The following RAB10 variants were observed in gnomAD, a reference collection of about 807,000 sequenced individuals.
RAB10 encodes RAB10, member RAS oncogene family, also known as ras-related protein Rab-10.
In RAB10, 5 loss-of-function variants were observed where a neutral mutation model predicts 25.7. The ratio of observed to expected loss-of-function variants is 0.19; its 90% CI spans 0.10 to 0.41. RAB10 has a LOEUF of 0.41. RAB10 is among the 10% of genes least tolerant of loss of function. RAB10 has a pLI of 1.00. For missense variants in RAB10, 103 were observed against 245.8 expected (o/e 0.42, Z 3.89); for synonymous variants, 89 against 86.4 (o/e 1.03, Z -0.16).
chr2:26,063,144 G>T (rs1666444433), intron 1 of RAB10, among the ~76,000 whole-genome samples: 1 of 151,420 alleles, frequency 6.6e-6, no homozygotes, highest in Non-Finnish European at 1.5e-5. Context: ...CAGGAATCTA[G>T]TTATTTTTAA....
At chr2:26,033,349 G>A (rs1469279844), upstream of RAB10, among the ~76,000 whole-genome samples, 1 of 152,218 alleles carries the variant, frequency 6.6e-6, no homozygotes, top group Non-Finnish European at 1.5e-5. Flanking sequence ...CCACTTCGCA[G>A]GGAGGTTCTT....
intron 1 of RAB10, among the ~76,000 whole-genome samples, chr2:26,036,418 T>G (rs1259515849): frequency 6.6e-6 from 1 of 152,138 alleles, no homozygotes; most frequent in Non-Finnish European, 1.5e-5. Flanking sequence ...CCCAGCACTT[T>G]GGGAGGCCTT....
At chr2:26,086,226 C>A (rs550140979) in intron 1 of RAB10, among the ~76,000 whole-genome samples, 2 of 152,086 alleles carry the variant, frequency 1.3e-5, no homozygotes, top group African/African-American at 4.8e-5. Context: ...GCTGAGGCTG[C>A]GGTGAGCTGA....
At chr2:26,131,407 ATAC>A (rs1381612636) in intron 5 of RAB10, among the ~76,000 whole-genome samples, 1 of 152,220 alleles carries the variant, frequency 6.6e-6, no homozygotes, top group Non-Finnish European at 1.5e-5. Context: ...GCAGGCCCAA[ATAC>A]TAGGTAGCAA....
At chr2:26,123,303 A>G (rs895605877) in intron 3 of RAB10, among the ~76,000 whole-genome samples, 2 of 152,210 alleles carry the variant, frequency 1.3e-5, no homozygotes, top group African/African-American at 4.8e-5. Flanking sequence ...CCCCGAACAC[A>G]GTCTCTAATT....
intron 3 of RAB10, among the ~76,000 whole-genome samples, chr2:26,119,966 T>C (rs1190795687): frequency 6.6e-6 from 1 of 152,238 alleles, no homozygotes; most frequent in Non-Finnish European, 1.5e-5. Context: ...AAATTGGTGG[T>C]CTGATTGCTA....
chr2:26,098,643 C>A lies in RAB10; in HGVS notation c.128-19C>A. The A allele has an allele frequency of 6.5e-7, 1 of 1,547,292 alleles. No homozygotes were observed. The highest frequency in any genetic ancestry group is 8.9e-7 in the Non-Finnish European group (1 of 1,125,944). On this transcript the variant is annotated intron_variant, in intron 1 of 5. Transcript: ENST00000264710. Reference sequence around the variant, plus strand: ...ATGTAAAGCCACAGTTACAGTTTACCTTTTTTTCTGCATTGTAGGAATAGA... The same window carrying A: ...ATGTAAAGCCACAGTTACAGTTTACATTTTTTTCTGCATTGTAGGAATAGA...
At chr2:26,077,906 G>A (rs1658351856) in intron 1 of RAB10, among the ~76,000 whole-genome samples, 1 of 152,126 alleles carries the variant, frequency 6.6e-6, no homozygotes, top group South Asian at 2.1e-4. Context: ...TTGGTCCCGG[G>A]AGGCGGGGTT....
chr2:26,098,114 T>TTTTTTTTTTTTTTTTTTTTTTTTTTTTC (rs1667265228), intron 1 of RAB10, among the ~76,000 whole-genome samples: 1 of 12,804 alleles, frequency 7.8e-5, no homozygotes, highest in Non-Finnish European at 1.7e-4. Flanking sequence ...TCTTTCTTTT[T>TTTTTTTTTTTTTTTTTTTTTTTTTTTTC]TTTTTTTTTT....
intron 3 of RAB10, among the ~76,000 whole-genome samples, chr2:26,124,405 T>TTTTTTC (rs1667866260): frequency 9.1e-6 from 1 of 110,134 alleles, no homozygotes; most frequent in African/African-American, 3.4e-5. Context: ...TTTTTTTTTT[T>TTTTTTC]TTTTTTTTTT....
At position 26,098,651 on chromosome 2, in the gene RAB10, C is replaced by A; in HGVS notation, c.128-11C>A. 1.3e-6 allele frequency: 2 copies of A among 1,562,684 alleles called. No homozygotes were observed. The highest frequency in any genetic ancestry group is 1.8e-6 in the Non-Finnish European group (2 of 1,139,100). Reference sequence around the variant, plus strand: ...CCACAGTTACAGTTTACCTTTTTTTCTGCATTGTAGGAATAGACTTCAAGA... The same window carrying A: ...CCACAGTTACAGTTTACCTTTTTTTATGCATTGTAGGAATAGACTTCAAGA... On this transcript the variant is annotated splice_polypyrimidine_tract_variant and intron_variant, in intron 1 of 5. Transcript: ENST00000264710.
intron 1 of RAB10, among the ~76,000 whole-genome samples, chr2:26,050,009 A>G (rs757452010): frequency 3.9e-5 from 6 of 152,120 alleles, no homozygotes; most frequent in Admixed American, 2.6e-4. Context: ...TCAATAATGG[A>G]CTGGTTATTA....
chr2:26,060,273 CTTTTTTGT>C lies in RAB10; in HGVS notation c.127+25549_127+25556del, dbSNP rs568091495. 6.0e-3 allele frequency among the ~76,000 whole-genome samples: 912 copies of C among 151,966 alleles called. 5 individuals are homozygous for C. Among genetic ancestry groups the C allele is most frequent in the Non-Finnish European group, 0.01 (689 of 67,920 alleles). On this transcript the variant is annotated intron_variant, in intron 1 of 5. Coordinates refer to ENST00000264710, the MANE Select transcript of RAB10 (RefSeq NM_016131.5). ...CTTTCATTTTGTTCTCACAGTAGTT[CTTTTTTGT>C]TTTTTTGTTTGTTTGTTTGTTTGTT...
chr2:26,053,435 A>G (rs1666176524), intron 1 of RAB10, among the ~76,000 whole-genome samples: 1 of 152,224 alleles, frequency 6.6e-6, no homozygotes, highest in African/African-American at 2.4e-5. Flanking sequence ...GTAGTCTTAA[A>G]TTTCAATCTT....
At chr2:26,083,381 T>C (rs907525196) in intron 1 of RAB10, among the ~76,000 whole-genome samples, 5 of 151,524 alleles carry the variant, frequency 3.3e-5, no homozygotes, top group African/African-American at 9.7e-5. Flanking sequence ...TTTTTCTCTT[T>C]TCTCTCTTCT....
At chr2:26,049,906 G>A (rs1032352568) in intron 1 of RAB10, among the ~76,000 whole-genome samples, 3 of 152,112 alleles carry the variant, frequency 2.0e-5, no homozygotes, top group African/African-American at 7.2e-5. Context: ...CTCTCAAAAT[G>A]AATTTCCACA....
intron 1 of RAB10, among the ~76,000 whole-genome samples, chr2:26,051,915 G>A (rs1332798752): frequency 6.6e-6 from 1 of 151,448 alleles, no homozygotes; most frequent in African/African-American, 2.4e-5. Context: ...AAATTAGCTG[G>A]GCATGGTGGC....
chr2:26,075,993 A>G (rs1165149175), intron 1 of RAB10, among the ~76,000 whole-genome samples: 1 of 152,144 alleles, frequency 6.6e-6, no homozygotes, highest in Non-Finnish European at 1.5e-5. Flanking sequence ...AGGGCAGGCC[A>G]AAAAGAAGGC....
intron 1 of RAB10, among the ~76,000 whole-genome samples, chr2:26,037,451 C>G (rs1665786836): frequency 6.6e-6 from 1 of 152,020 alleles, no homozygotes; most frequent in Non-Finnish European, 1.5e-5. Context: ...CCAGCCTGAT[C>G]AACATGGAGA....
Sources: gnomAD v4.1 joint callset for allele counts (sites outside exome capture counted in the v4.1 genomes callset) on GRCh38, gnomAD v4.1.1 for gene constraint, MANE v1.5 for transcripts, NCBI Gene and HGNC (gene_info 2026-07-23, HGNC 2026-07-21) for gene names.